Variants in DOCK8 observed in about 807,000 individuals in gnomAD.
DOCK8 encodes dedicator of cytokinesis 8.
Under a neutral mutation model 245.6 loss-of-function variants are expected in DOCK8, and 141 were observed. That is an observed-to-expected ratio of 0.57 (90% CI 0.50 to 0.66). DOCK8 has a LOEUF of 0.66. Among genes scored for constraint, DOCK8 ranks in the 30% least tolerant of loss-of-function variants. The probability of loss-of-function intolerance (pLI) is 0.00; values close to 1 mark genes in which losing one functional copy is unlikely to be tolerated. For synonymous variants in DOCK8, 1,168 were observed against 970.2 expected (o/e 1.20, Z -3.79); for missense variants, 2,965 against 2,603.4 (o/e 1.14, Z -3.02).
intron 6 of DOCK8, among the ~76,000 whole-genome samples, chr9:316,484 T>A (rs765984002): frequency 4.6e-5 from 7 of 152,198 alleles, no homozygotes; most frequent in Non-Finnish European, 8.8e-5. Context: ...TAGGAAGCTC[T>A]AACTGCATAA....
At chr9:393,620 G>T (rs1230166317) in intron 24 of DOCK8, among the ~76,000 whole-genome samples, 1 of 152,178 alleles carries the variant, frequency 6.6e-6, no homozygotes, top group Non-Finnish European at 1.5e-5. Context: ...GCCCAGGAGA[G>T]AAAGCATAAG....
At chr9:420,640 T>G in intron 31 of DOCK8, 57 bp downstream of exon 31, 1 of 1,603,736 alleles carries the variant, frequency 6.2e-7, no homozygotes, top group Non-Finnish European at 8.5e-7. Context: ...TGCAATTCTG[T>G]CTTCTTACTC....
chr9:225,237 G>A (rs1449331795), intron 1 of DOCK8, among the ~76,000 whole-genome samples: 1 of 152,150 alleles, frequency 6.6e-6, no homozygotes, highest in South Asian at 2.1e-4. Flanking sequence ...TGTGTGGCTG[G>A]GGAGGGGTAA....
In DOCK8 at chr9:421,009, G is replaced by A; in HGVS notation, c.4084G>A (p.Ala1362Thr). Residue 1362 changes from alanine to threonine, a missense_variant, in exon 32 of 48, where the codon GCC becomes ACC. Transcript: ENST00000432829. Reference sequence around the variant, plus strand: ...CCTGCAGAAGTCAAGGGATGTCAAGGCCCGGCTGGAAGAGGCTTTGCTCCG... The same window carrying A: ...CCTGCAGAAGTCAAGGGATGTCAAGACCCGGCTGGAAGAGGCTTTGCTCCG... ...QVLQKSRDVKARLEEALLRGE... is the reference protein window; with the variant it reads ...QVLQKSRDVKTRLEEALLRGE... The A allele has an allele frequency of 6.2e-7, 1 of 1,614,176 alleles. No individual in the cohort carries two copies. The highest frequency in any genetic ancestry group is 8.5e-7 in the Non-Finnish European group (1 of 1,180,018).
At chr9:375,863 G>GGTGT (rs1341184808) in intron 18 of DOCK8, among the ~76,000 whole-genome samples, 2 of 152,054 alleles carry the variant, frequency 1.3e-5, no homozygotes, top group African/African-American at 4.8e-5. Context: ...TGGGTGTGGT[G>GGTGT]GTGTGTGCCT....
chr9:267,351 A>G (rs2048059964), intron 1 of DOCK8, among the ~76,000 whole-genome samples: 1 of 152,092 alleles, frequency 6.6e-6, no homozygotes, highest in Admixed American at 6.5e-5. Flanking sequence ...GACTACAGGC[A>G]CACACCACCA....
intron 14 of DOCK8, among the ~76,000 whole-genome samples, chr9:347,529 C>A (rs2051955196): frequency 6.6e-6 from 1 of 152,064 alleles, no homozygotes; most frequent in South Asian, 2.1e-4. Context: ...AAAACTCTGT[C>A]CTAAGTATCA....
intron 1 of DOCK8, among the ~76,000 whole-genome samples, chr9:257,870 C>T (rs2047818084): frequency 6.6e-6 from 1 of 152,286 alleles, no homozygotes; most frequent in African/African-American, 2.4e-5. Flanking sequence ...GTTTAGGATT[C>T]AGTAGGTCTG....
chr9:302,485 C>G (rs761240116), intron 4 of DOCK8, among the ~76,000 whole-genome samples: 2 of 152,078 alleles, frequency 1.3e-5, no homozygotes, highest in Non-Finnish European at 2.9e-5. Context: ...GTAACAAAAA[C>G]AAAAATTGAC....
intron 9 of DOCK8, among the ~76,000 whole-genome samples, chr9:329,893 G>T (rs186921156): frequency 6.6e-6 from 1 of 152,216 alleles, no homozygotes; most frequent in Non-Finnish European, 1.5e-5. Flanking sequence ...GTTTGGATAG[G>T]TTTAAGAAAT....
chr9:310,888 C>G (rs1345876308), intron 5 of DOCK8, among the ~76,000 whole-genome samples: 1 of 152,164 alleles, frequency 6.6e-6, no homozygotes, highest in Non-Finnish European at 1.5e-5. Context: ...ATGTTCATCC[C>G]CGACTGTGGG....
In DOCK8 at chr9:400,939, C is replaced by CTG. The variant is rs1564016546; in HGVS notation, c.3234+1680_3234+1681insTG. 7.5e-4 allele frequency among the ~76,000 whole-genome samples: 101 copies of CTG among 135,518 alleles called. 37 individuals carry two copies. Among genetic ancestry groups the CTG allele is most frequent in the Middle Eastern group, 7.8e-3 (2 of 258 alleles). The allele number at this position is 135,518 out of a possible 152,430, so 88.9% of individuals were successfully genotyped here. Reference sequence around the variant, plus strand: ...CCTTCACCATCACCACAACATCCACCACCACCATCACCACCACCACCACCA... The same window carrying CTG: ...CCTTCACCATCACCACAACATCCACCTGACCACCATCACCACCACCACCACCA... On this transcript the variant is annotated intron_variant, in intron 26 of 47. Transcript: ENST00000432829.
intron 26 of DOCK8, among the ~76,000 whole-genome samples, chr9:400,980 C>CCAT (rs1165241792): frequency 1.6e-5 from 2 of 126,768 alleles, no homozygotes; most frequent in Non-Finnish European, 3.7e-5. Flanking sequence ...TCCACCATCA[C>CCAT]CACCTCCTCC....
At chr9:378,828 G>A (rs1008833548) in intron 20 of DOCK8, among the ~76,000 whole-genome samples, 2 of 152,236 alleles carry the variant, frequency 1.3e-5, no homozygotes, top group Non-Finnish European at 2.9e-5. Flanking sequence ...GGAAAGCACA[G>A]TGGGGGCACA....
intron 1 of DOCK8, among the ~76,000 whole-genome samples, chr9:235,241 T>A (rs572241683): frequency 2.6e-5 from 4 of 152,304 alleles, no homozygotes; most frequent in African/African-American, 9.6e-5. Flanking sequence ...TGCTGCTGCC[T>A]GATTGTTCCT....
intron 1 of DOCK8, among the ~76,000 whole-genome samples, chr9:219,403 G>T (rs2046834672): frequency 6.6e-6 from 1 of 152,088 alleles, no homozygotes; most frequent in Admixed American, 6.5e-5. Flanking sequence ...CCTGGGAGGT[G>T]GAGGCTACAG....
chr9:356,596 C>G (rs1285401799), intron 14 of DOCK8, among the ~76,000 whole-genome samples: 1 of 151,658 alleles, frequency 6.6e-6, no homozygotes, highest in Non-Finnish European at 1.5e-5. Flanking sequence ...TCATCACTTT[C>G]CTTAAGCCTC....
At chr9:371,332 C>A in intron 16 of DOCK8, 96 bp from the exon 17 acceptor site, 3 of 1,476,438 alleles carry the variant, frequency 2.0e-6, no homozygotes, top group Non-Finnish European at 2.8e-6. Context: ...AAACACCAGG[C>A]AAATTCTGAG....
chr9:347,373 G>A (rs548241754), intron 14 of DOCK8, among the ~76,000 whole-genome samples: 1 of 152,100 alleles, frequency 6.6e-6, no homozygotes, highest in Non-Finnish European at 1.5e-5. Context: ...AGGGGTGGGG[G>A]TCCACACCTG....
Sources: allele counts gnomAD v4.1 joint callset (sites outside exome capture counted in the v4.1 genomes callset), GRCh38; gene constraint gnomAD v4.1.1; transcripts MANE v1.5; gene names NCBI Gene and HGNC (gene_info 2026-07-23, HGNC 2026-07-21).